The following DCSTAMP variants were observed in gnomAD, a reference collection of about 807,000 sequenced individuals.
The protein encoded by DCSTAMP is dendrocyte expressed seven transmembrane protein.
In DCSTAMP, 25 loss-of-function variants were observed where a neutral mutation model predicts 33.8. The ratio of observed to expected loss-of-function variants is 0.74; its 90% confidence interval spans 0.54 to 1.03. The LOEUF is 1.03. Ranked by LOEUF, DCSTAMP falls within the 50% of genes least tolerant of loss-of-function variation. The probability of loss-of-function intolerance (pLI) is 0.00; values close to 1 mark genes in which losing one functional copy is unlikely to be tolerated. For missense variants in DCSTAMP, 531 were observed against 556.8 expected (o/e 0.95, Z 0.47); for synonymous variants, 245 against 216.7 (o/e 1.13, Z -1.15).
chr8:104,348,740 C>T lies in DCSTAMP; in HGVS notation c.188C>T (p.Ala63Val). The stretch of plus-strand genomic sequence containing the variant: ...CTGCCATCAATCATAGCGGCCGCTG[C>T]CTCCTGGATTATCACGTGTGTTCTG... Reference protein sequence around the residue: ...WFLPSIIAAAASWIITCVLLC... With the variant: ...WFLPSIIAAAVSWIITCVLLC... Residue 63 changes from alanine (A) to valine (V), a missense_variant, in exon 2 of 4, where the codon GCC becomes GTC. By Grantham distance (64) the Ala-to-Val change is moderately conservative. Coordinates refer to ENST00000297581, the MANE Select transcript of DCSTAMP (RefSeq NM_030788.4). 6.2e-7 allele frequency: 1 copy of T among 1,614,184 alleles called. No homozygotes were observed. Among genetic ancestry groups the T allele is most frequent in the South Asian group, 1.1e-5 (1 of 91,078 alleles).
At chr8:104,354,562 A>T (rs1244477099) in intron 2 of DCSTAMP, among the ~76,000 whole-genome samples, 1 of 152,260 alleles carries the variant, frequency 6.6e-6, no homozygotes, top group African/African-American at 2.4e-5. Context: ...CAGAGCCTTC[A>T]ACAGTCTAAT....
At chr8:104,345,436 T>C (rs1250829176) in intron 1 of DCSTAMP, among the ~76,000 whole-genome samples, 1 of 152,200 alleles carries the variant, frequency 6.6e-6, no homozygotes, top group Non-Finnish European at 1.5e-5. Flanking sequence ...GAAGATACCT[T>C]CAGTCCTCTC....
rs1810380804 is a variant in DCSTAMP at position 104,348,754 on chromosome 8, AC to A, written c.203del (p.Thr68SerfsTer31). 6.2e-7 allele frequency: 1 copy of A among 1,614,052 alleles called. No individual in the cohort carries two copies. On this transcript the variant is annotated frameshift_variant, in exon 2 of 4. Coordinates refer to ENST00000297581, the MANE Select transcript of DCSTAMP (RefSeq NM_030788.4). LOFTEE classifies it high-confidence loss of function. ...AGCGGCCGCTGCCTCCTGGATTATC[AC>A]GTGTGTTCTGCTGTGTTGCTCCAAG... ...IIAAAASWII[T>X]CVLLCCSKHA...
chr8:104,355,123 A>T lies in DCSTAMP; in HGVS notation c.1276A>T (p.Lys426Ter), dbSNP rs750049228. The change falls in exon 3 of 4, where the codon AAA becomes TAA. Residue 426 changes from lysine (K) to a stop codon, truncating the protein, a stop_gained. Coordinates refer to ENST00000297581, the MANE Select transcript of DCSTAMP (RefSeq NM_030788.4). LOFTEE classifies it high-confidence loss of function. ...RIQYLHAKLL[K>*]KRSKQPLGEV... is the part of the protein sequence containing the mutation. ...CCAATATCTGCATGCAAAGCTGCTT[A>T]AAAAAAGATCAAAGCAGCCGCTGGG... is the stretch of plus-strand genomic sequence containing the variant. 2 of 1,614,026 alleles carry T rather than the reference A, an allele frequency of 1.2e-6. No homozygotes were observed. The highest frequency in any genetic ancestry group is 1.7e-6 in the Non-Finnish European group (2 of 1,179,984).
rs559129142 is a variant in DCSTAMP, at chr8:104,355,117, C to G, written c.1270C>G (p.Leu424Val). ...RKRIQYLHAK[L>V]LKKRSKQPLG... ...GCGCATCCAATATCTGCATGCAAAG[C>G]TGCTTAAAAAAAGATCAAAGCAGCC... The change falls in exon 3 of 4, where the codon CTG (leucine) becomes GTG (valine). Residue 424 changes from leucine (L) to valine (V), a missense_variant. Transcript: ENST00000297581. The G allele has an allele frequency of 1.2e-6, 2 of 1,614,074 alleles. No homozygotes were observed. Among genetic ancestry groups the G allele is most frequent in the Admixed American group, 3.3e-5 (2 of 59,998 alleles).
intron 1 of DCSTAMP, among the ~76,000 whole-genome samples, chr8:104,344,067 T>C (rs1349326567): frequency 2.0e-5 from 3 of 152,220 alleles, no homozygotes; most frequent in African/African-American, 4.8e-5. Context: ...ATTAATGTGA[T>C]GGGAAGTGTG....
At chr8:104,350,957 C>T (rs1810445103) in intron 2 of DCSTAMP, among the ~76,000 whole-genome samples, 1 of 152,210 alleles carries the variant, frequency 6.6e-6, no homozygotes, top group Non-Finnish European at 1.5e-5. Context: ...TTCTAAACCC[C>T]TCACTCCAAG....
In DCSTAMP at chr8:104,356,352, C is replaced by T. The variant is rs74670829; in HGVS notation, c.*154C>T. 2.8e-3 allele frequency: 1,636 copies of T among 574,126 alleles called. 17 individuals carry two copies. The highest frequency in any genetic ancestry group is 0.026 in the African/African-American group (1,360 of 51,360). The allele number at this position is 574,126 out of a possible 1,614,324, so 35.6% of individuals were successfully genotyped here. ...GCCAACTTGCAGCACCTGGTTATGC[C>T]TCCTTTCATCTCAAAGCCAAAGAGC... On this transcript the variant is annotated 3_prime_UTR_variant, in exon 4 of 4. Transcript: ENST00000297581.
intron 2 of DCSTAMP, 145 bp downstream of exon 2, chr8:104,349,726 A>T: frequency 2.2e-6 from 2 of 894,822 alleles, no homozygotes; most frequent in Middle Eastern, 3.5e-4. Flanking sequence ...ACATAGAAGG[A>T]ACCCAACAAT....
intron 2 of DCSTAMP, among the ~76,000 whole-genome samples, chr8:104,350,308 A>G (rs1360775745): frequency 6.6e-6 from 1 of 152,198 alleles, no homozygotes; most frequent in Non-Finnish European, 1.5e-5. Flanking sequence ...GCGTGAACCT[A>G]AGAGACACGG....
chr8:104,355,617 A>G (rs538102744), intron 3 of DCSTAMP, among the ~76,000 whole-genome samples: 1 of 152,274 alleles, frequency 6.6e-6, no homozygotes, highest in African/African-American at 2.4e-5. Context: ...GAGAGAGGAT[A>G]TACAAAAATA....
At position 104,356,194 on chromosome 8, in the gene DCSTAMP, C is replaced by A; in HGVS notation, c.1409C>A (p.Ser470Ter). 1.9e-6 allele frequency: 3 copies of A among 1,611,632 alleles called. 1 individual carries two copies. The highest frequency in any genetic ancestry group is 4.5e-5 in the East Asian group (2 of 44,704). Residue 470 changes from serine (S) to a stop codon, truncating the protein, a stop_gained, in exon 4 of 4, where the codon TCA (serine) becomes TAA (stop). Transcript: ENST00000297581. LOFTEE classifies it high-confidence loss of function. ...KQMDMASADK[S>*] is the part of the protein sequence containing the mutation. ...ATGGACATGGCAAGTGCAGACAAGT[C>A]ATGAGAGACCCCGACTACTCCTCAG...
intron 2 of DCSTAMP, among the ~76,000 whole-genome samples, chr8:104,350,615 C>G (rs1308962251): frequency 6.6e-6 from 1 of 152,110 alleles, no homozygotes; most frequent in Non-Finnish European, 1.5e-5. Flanking sequence ...TTAAGAATTT[C>G]CTGAGTTGGA....
chr8:104,356,281 T>C lies in DCSTAMP; in HGVS notation c.*83T>C, dbSNP rs541715391. ...GGCAGTCACTATTCATGCCGGATAA[T>C]AGAGAACTATGTGACGCAGTCCTCT... On this transcript the variant is annotated 3_prime_UTR_variant, in exon 4 of 4. Transcript: ENST00000297581. 19 of 1,377,070 alleles carry C rather than the reference T, an allele frequency of 1.4e-5. No individual in the cohort carries two copies. The South Asian group carries it at 2.5e-4, about 18-fold the overall frequency. The allele number at this position is 1,377,070 out of a possible 1,614,324, so 85.3% of individuals were successfully genotyped here.
intron 2 of DCSTAMP, among the ~76,000 whole-genome samples, chr8:104,350,921 T>A (rs1041901820): frequency 2.0e-5 from 3 of 152,190 alleles, no homozygotes; most frequent in Non-Finnish European, 2.9e-5. Flanking sequence ...GTAATTCTAA[T>A]GTGCAGCCAA....
rs1260002179 is a variant in DCSTAMP at position 104,348,567 on chromosome 8, C to T, written c.15C>T (p.Thr5=). The T allele has an allele frequency of 1.2e-6, 2 of 1,613,648 alleles. No homozygotes were observed. Among genetic ancestry groups the T allele is most frequent in the African/African-American group, 1.3e-5 (1 of 75,020 alleles). The change falls in exon 2 of 4, where the codon ACC becomes ACT. Residue 5 remains threonine (T), a synonymous_variant. Transcript: ENST00000297581. ...ACGCAGGGAGCATGGGTATCTGGAC[C>T]TCAGGCACTGATATCTTCCTAAGTC... MGIW[T]SGTDIFLSLW...
intron 2 of DCSTAMP, among the ~76,000 whole-genome samples, chr8:104,353,376 G>A (rs980206042): frequency 8.5e-5 from 13 of 152,206 alleles, no homozygotes; most frequent in Admixed American, 5.2e-4. Context: ...TGACTCAGCC[G>A]TTCTGAAGCC....
At chr8:104,350,620 G>T (rs549946130) in intron 2 of DCSTAMP, among the ~76,000 whole-genome samples, 1 of 152,068 alleles carries the variant, frequency 6.6e-6, no homozygotes, top group Non-Finnish European at 1.5e-5. Flanking sequence ...AATTTCCTGA[G>T]TTGGACATAG....
At position 104,351,665 on chromosome 8, in the gene DCSTAMP, C is replaced by T. The variant is rs1018429924; in HGVS notation, c.1029+2084C>T. The stretch of plus-strand genomic sequence containing the variant: ...GGAAAAAGGGTGGGGAGTTCCCAAG[C>T]CATGTAACACAACTTCTGGGTTATT... On this transcript the variant is annotated intron_variant, in intron 2 of 3. Coordinates refer to ENST00000297581, the MANE Select transcript of DCSTAMP (RefSeq NM_030788.4). 3.9e-5 allele frequency among the ~76,000 whole-genome samples: 6 copies of T among 152,244 alleles called. No individual in the cohort carries two copies. In the Middle Eastern group the frequency reaches 0.01, roughly 259 times the overall value.
Sources: allele counts gnomAD v4.1 joint callset (sites outside exome capture counted in the v4.1 genomes callset), GRCh38; gene constraint gnomAD v4.1.1; transcripts MANE v1.5; gene names NCBI Gene and HGNC (gene_info 2026-07-23, HGNC 2026-07-21).